EGFLAM: variants seen among roughly 807,000 people sequenced by gnomAD.
The protein encoded by EGFLAM is EGF like, fibronectin type III and laminin G domains.
EGFLAM carries 79 observed loss-of-function variants against 113.1 expected under a neutral mutation model. The observed-to-expected ratio is 0.70, with a 90% CI of 0.58 to 0.84. The LOEUF is 0.84. Ranked by LOEUF, EGFLAM falls within the 40% of genes least tolerant of loss-of-function variation. EGFLAM has a pLI of 0.00. For synonymous variants in EGFLAM, 504 were observed against 487.6 expected (o/e 1.03, Z -0.44); for missense variants, 1,265 against 1,291.6 (o/e 0.98, Z 0.32).
intron 6 of EGFLAM, among the ~76,000 whole-genome samples, chr5:38,372,153 T>C (rs1420535101): frequency 5.3e-5 from 8 of 152,010 alleles, no homozygotes; most frequent in Admixed American, 3.3e-4. Context: ...CCTTTTTTTT[T>C]TTTTCTTGAC....
At chr5:38,452,008 A>G (rs1474608717) in intron 19 of EGFLAM, among the ~76,000 whole-genome samples, 1 of 151,124 alleles carries the variant, frequency 6.6e-6, no homozygotes, top group East Asian at 2.0e-4. Context: ...AAAAAAAAAA[A>G]AAAGAGTACA....
intron 12 of EGFLAM, among the ~76,000 whole-genome samples, chr5:38,421,540 A>G (rs1318009204): frequency 6.6e-6 from 1 of 152,224 alleles, no homozygotes; most frequent in African/African-American, 2.4e-5. Flanking sequence ...GCACCTGCTT[A>G]GTGCTTGTCA....
chr5:38,308,713 A>G (rs1758791827), intron 1 of EGFLAM, among the ~76,000 whole-genome samples: 1 of 152,194 alleles, frequency 6.6e-6, no homozygotes, highest in Non-Finnish European at 1.5e-5. Flanking sequence ...GGAAAGAGAT[A>G]GAGGTCAGAG....
At chr5:38,288,882 G>A (rs1431700040) in intron 1 of EGFLAM, among the ~76,000 whole-genome samples, 1 of 152,116 alleles carries the variant, frequency 6.6e-6, no homozygotes, top group Non-Finnish European at 1.5e-5. Context: ...GGTAGGGAAA[G>A]CACTGTGTTA....
At chr5:38,350,106 A>T (rs982167271) in intron 3 of EGFLAM, among the ~76,000 whole-genome samples, 1 of 152,206 alleles carries the variant, frequency 6.6e-6, no homozygotes, top group African/African-American at 2.4e-5. Context: ...CTCAGTGTGC[A>T]GCTGCAGCTA....
intron 17 of EGFLAM, among the ~76,000 whole-genome samples, chr5:38,447,871 T>A (rs1472760045): frequency 1.3e-5 from 2 of 152,164 alleles, no homozygotes; most frequent in East Asian, 3.9e-4. Flanking sequence ...GCTTAAAAGG[T>A]TCTGCAGCAA....
chr5:38,258,790 G>A lies in EGFLAM; in HGVS notation c.36G>A (p.Leu12=), dbSNP rs748206428. The A allele has an allele frequency of 2.5e-6, 4 of 1,612,454 alleles. No homozygotes were observed. The South Asian group carries it at 3.3e-5, about 13-fold the overall frequency. ...TCCGAGGCGTCTTGCTCCGGCTCCT[G>A]CTCCTGGCTTCCAGCCTCGGACCCG... ...DLIRGVLLRL[L]LLASSLGPGA... is the part of the protein sequence containing the mutation. Residue 12 remains leucine (L), a synonymous_variant, in exon 1 of 22, where the codon CTG becomes CTA. Coordinates refer to ENST00000322350, the MANE Select transcript of EGFLAM (RefSeq NM_152403.4).
intron 5 of EGFLAM, among the ~76,000 whole-genome samples, chr5:38,368,520 G>T (rs765412843): frequency 6.6e-6 from 1 of 152,148 alleles, no homozygotes; most frequent in East Asian, 1.9e-4. Flanking sequence ...AAGGAAATCC[G>T]CTGTTCACCC....
intron 5 of EGFLAM, among the ~76,000 whole-genome samples, chr5:38,357,574 C>T (rs769338538): frequency 2.0e-5 from 3 of 152,104 alleles, no homozygotes; most frequent in Non-Finnish European, 2.9e-5. Flanking sequence ...CAGAAGCACA[C>T]GTGACAGGTT....
At position 38,465,463 on chromosome 5, in the gene EGFLAM, A is replaced by G. The variant is rs1472215199; in HGVS notation, c.*1477A>G. Among the ~76,000 whole-genome samples the G allele has an allele frequency of 2.0e-5, 3 of 152,356 alleles. No individual in the cohort carries two copies. Among genetic ancestry groups the G allele is most frequent in the East Asian group, 1.9e-4 (1 of 5,188 alleles). On this transcript the variant is annotated 3_prime_UTR_variant, in exon 22 of 22. Transcript: ENST00000322350. ...CACATAATGTAATTCTAAAAGATGA[A>G]TAAACTAGAGAGGTTCACTTTGTGC...
intron 3 of EGFLAM, among the ~76,000 whole-genome samples, chr5:38,349,790 C>G (rs918117525): frequency 6.6e-6 from 1 of 151,544 alleles, no homozygotes; most frequent in East Asian, 1.9e-4. Context: ...CACACACACA[C>G]ACACACACAC....
chr5:38,280,607 C>A (rs368984872), intron 1 of EGFLAM, among the ~76,000 whole-genome samples: 2 of 152,172 alleles, frequency 1.3e-5, no homozygotes, highest in African/African-American at 4.8e-5. Flanking sequence ...TGGCTGGCTC[C>A]GTGACACCAC....
At chr5:38,280,802 A>G (rs1236790361) in intron 1 of EGFLAM, among the ~76,000 whole-genome samples, 1 of 152,226 alleles carries the variant, frequency 6.6e-6, no homozygotes, top group Non-Finnish European at 1.5e-5. Context: ...TACCTTTGGT[A>G]CTACTGCTTT....
Position 38,420,038 on chromosome 5 carries a change from C to CA in EGFLAM, c.1684+1789dup, listed in dbSNP as rs984760152. 8.6e-5 allele frequency among the ~76,000 whole-genome samples: 13 copies of CA among 151,848 alleles called. 1 individual carries two copies. ...TGAGACTGTCTTAAAAAACAAAAAA[C>CA]AAAAAACAAAACAAAACAAAACAAA... is the stretch of plus-strand genomic sequence containing the variant. On this transcript the variant is annotated intron_variant, in intron 12 of 21. Transcript: ENST00000322350.
At position 38,435,795 on chromosome 5, in the gene EGFLAM, C is replaced by T. The variant is rs181143323; in HGVS notation, c.2283+542C>T. On this transcript the variant is annotated intron_variant, in intron 16 of 21. Transcript: ENST00000322350. ...ACATTCAGTGAAAGATACTGACTCC[C>T]CCGGCTCTCTCTTTTTTTTTTTTTT... Among the ~76,000 whole-genome samples the T allele has an allele frequency of 2.7e-3, 409 of 151,234 alleles. 1 individual carries two copies. Among genetic ancestry groups the T allele is most frequent in the African/African-American group, 9.5e-3 (390 of 40,982 alleles).
In EGFLAM at chr5:38,435,137, G is replaced by A; in HGVS notation, c.2167G>A (p.Gly723Arg). Residue 723 changes from glycine (G) to arginine (R), a missense_variant and splice_region_variant, in exon 16 of 22, where the codon GGA (glycine) becomes AGA (arginine). Physicochemically the swap from Gly to Arg is moderately radical, Grantham distance 125 (BLOSUM62 -2). Transcript: ENST00000322350. ...TGCTTTGTTTTTAATCTTTTGGCAG[G>A]GAGGCTTCACACAGATTAAGTGCAA... is the stretch of plus-strand genomic sequence containing the variant. The part of the protein sequence containing the change: ...KQKIVEGMAE[G>R]GFTQIKCNTD... 1.2e-6 allele frequency: 2 copies of A among 1,612,800 alleles called. No homozygotes were observed. The highest frequency in any genetic ancestry group is 1.7e-6 in the Non-Finnish European group (2 of 1,178,894).
chr5:38,278,348 A>T (rs1757934428), intron 1 of EGFLAM, among the ~76,000 whole-genome samples: 1 of 152,258 alleles, frequency 6.6e-6, no homozygotes, highest in Non-Finnish European at 1.5e-5. Flanking sequence ...CACATGCAGA[A>T]GAATGAAATT....
At chr5:38,448,449 T>TTTTCTTATATTTCTTATA in intron 18 of EGFLAM, 70 bp downstream of exon 18, 1 of 1,476,674 alleles carries the variant, frequency 6.8e-7, no homozygotes. Flanking sequence ...TCTCAGGGCT[T>TTTTCTTATATTTCTTATA]TTTCTTATAT....
intron 1 of EGFLAM, among the ~76,000 whole-genome samples, chr5:38,307,302 T>G (rs2111846395): frequency 6.6e-6 from 1 of 152,320 alleles, no homozygotes; most frequent in South Asian, 2.1e-4. Context: ...TGAATTGTAG[T>G]TCCCATAATC....
Sources: gnomAD v4.1 joint callset for allele counts (sites outside exome capture counted in the v4.1 genomes callset) on GRCh38, gnomAD v4.1.1 for gene constraint, MANE v1.5 for transcripts, NCBI Gene and HGNC (gene_info 2026-07-23, HGNC 2026-07-21) for gene names.